The following PLSCR4 variants were observed in gnomAD, a reference collection of about 807,000 sequenced individuals.
The protein encoded by PLSCR4 is phospholipid scramblase 4.
PLSCR4 carries 25 observed loss-of-function variants against 36.3 expected under a neutral mutation model. The observed-to-expected ratio is 0.69, with a 90% CI of 0.50 to 0.96. PLSCR4 has a LOEUF of 0.96. PLSCR4 is among the 40% of genes least tolerant of loss of function. The pLI is 0.00. For missense variants in PLSCR4, 408 were observed against 414.7 expected (o/e 0.98, Z 0.14); for synonymous variants, 122 against 132.9 (o/e 0.92, Z 0.56).
chr3:146,195,332 T>G, intron 7 of PLSCR4, 50 bp from the exon 8 acceptor site: 5 of 1,386,916 alleles, frequency 3.6e-6, no homozygotes, highest in Non-Finnish European at 5.1e-6. Context: ...CATTGAAGCA[T>G]GTTTTAATGT....
At chr3:146,234,536 AC>A (rs2035839502) in intron 1 of PLSCR4, among the ~76,000 whole-genome samples, 1 of 152,108 alleles carries the variant, frequency 6.6e-6, no homozygotes, top group Non-Finnish European at 1.5e-5. Context: ...AATGGGGTAC[AC>A]CCTGTTCCCT....
rs1240158267 is a variant in PLSCR4, at chr3:146,242,050, C to T, written c.-22+8910G>A. Among the ~76,000 whole-genome samples, 8 of 152,174 alleles carry T rather than the reference C, an allele frequency of 5.3e-5. No individual in the cohort carries two copies. The South Asian group carries it at 1.4e-3, about 28-fold the overall frequency. The stretch of plus-strand genomic sequence containing the variant: ...ATGGTAGTGGAGCTTCAGCCAATCA[C>T]GGGCTGTCAACTGATCAGACCATGT... On this transcript the variant is annotated intron_variant, in intron 1 of 8. Coordinates refer to ENST00000354952, the MANE Select transcript of PLSCR4 (RefSeq NM_020353.3).
At position 146,206,493 on chromosome 3, in the gene PLSCR4, C is replaced by T. The variant is rs201733404; in HGVS notation, c.354+33G>A. ...TTGTTGGATCCCTATGGTCACATTT[C>T]ATAAGAAAATAATTTGTATTTTCAT... On this transcript the variant is annotated intron_variant, in intron 4 of 8. Transcript: ENST00000354952. 4 of 1,502,144 alleles carry T rather than the reference C, an allele frequency of 2.7e-6. No individual in the cohort carries two copies. In the East Asian group the frequency reaches 6.8e-5, roughly 25 times the overall value. 93.1% of individuals were successfully genotyped at this position (1,502,144 alleles called of 1,614,324 possible).
At chr3:146,208,072 G>T (rs2108247863) in intron 3 of PLSCR4, among the ~76,000 whole-genome samples, 1 of 152,190 alleles carries the variant, frequency 6.6e-6, no homozygotes, top group African/African-American at 2.4e-5. Context: ...AGATGGTACT[G>T]GTATAAAAAT....
In PLSCR4 at chr3:146,194,450, G is replaced by T. The variant is rs771711885; in HGVS notation, c.951C>A (p.Phe317Leu). The stretch of plus-strand genomic sequence containing the variant: ...GTGGTGGAGATCTTTCAAAATACAT[G>T]AAGTCCTGAAATTGGAAAAAGAATT... Reference protein sequence around the residue: ...MIFGACFLIDFMYFERSPPQR... With the variant: ...MIFGACFLIDLMYFERSPPQR... The change falls in exon 9 of 9, where the codon TTC becomes TTA. Residue 317 changes from phenylalanine (F) to leucine (L), a missense_variant. Transcript: ENST00000354952. 6.3e-7 allele frequency: 1 copy of T among 1,591,552 alleles called. No individual in the cohort carries two copies. Among genetic ancestry groups the T allele is most frequent in the South Asian group, 1.1e-5 (1 of 90,534 alleles).
At chr3:146,246,859 G>A (rs558750427) in intron 1 of PLSCR4, among the ~76,000 whole-genome samples, 3 of 152,032 alleles carry the variant, frequency 2.0e-5, no homozygotes, top group South Asian at 4.2e-4. Flanking sequence ...TCAAGGAGTC[G>A]GCAGTGCATA....
chr3:146,224,533 C>G (rs1306987063), intron 1 of PLSCR4, among the ~76,000 whole-genome samples: 1 of 149,134 alleles, frequency 6.7e-6, no homozygotes, highest in Non-Finnish European at 1.5e-5. Context: ...CTGGTGGGTT[C>G]GTGGTCTCGC....
intron 1 of PLSCR4, among the ~76,000 whole-genome samples, chr3:146,247,940 A>T (rs1411349273): frequency 6.6e-6 from 1 of 152,202 alleles, no homozygotes; most frequent in African/African-American, 2.4e-5. Flanking sequence ...GCAATTAAAA[A>T]CAATTTTTTT....
intron 1 of PLSCR4, among the ~76,000 whole-genome samples, chr3:146,222,873 G>A (rs375688493): frequency 7.2e-4 from 109 of 152,272 alleles, no homozygotes; most frequent in Admixed American, 1.8e-3. Flanking sequence ...CTTAGATGGG[G>A]GAGGTGACAC....
chr3:146,199,677 TCCTC>T (rs1325895472), intron 6 of PLSCR4, 132 bp downstream of exon 6: 1 of 721,386 alleles, frequency 1.4e-6, no homozygotes, highest in East Asian at 2.7e-5. Flanking sequence ...CAATTTGGTT[TCCTC>T]CCTCCCCACT....
At chr3:146,206,933 G>A (rs1485830209) in intron 3 of PLSCR4, among the ~76,000 whole-genome samples, 172 bp from the exon 4 acceptor site, 3 of 151,890 alleles carry the variant, frequency 2.0e-5, no homozygotes, top group South Asian at 2.1e-4. Context: ...GATGTATTAG[G>A]GAGACTTATT....
chr3:146,229,375 C>T (rs1228306468), intron 1 of PLSCR4, among the ~76,000 whole-genome samples: 1 of 151,856 alleles, frequency 6.6e-6, no homozygotes, highest in African/African-American at 2.4e-5. Flanking sequence ...ATCCATGAAG[C>T]CAATAATTCA....
intron 3 of PLSCR4, among the ~76,000 whole-genome samples, chr3:146,209,527 C>T (rs139384273): frequency 6.6e-6 from 1 of 152,100 alleles, no homozygotes; most frequent in East Asian, 1.9e-4. Context: ...GCAGTGGTAA[C>T]TTTGCATTTC....
chr3:146,217,995 A>G (rs1475812594), intron 3 of PLSCR4, among the ~76,000 whole-genome samples: 1 of 152,140 alleles, frequency 6.6e-6, no homozygotes, highest in Non-Finnish European at 1.5e-5. Context: ...GGGCAGGGAA[A>G]ACCAGGGGAG....
intron 3 of PLSCR4, among the ~76,000 whole-genome samples, chr3:146,215,846 G>T (rs938346979): frequency 1.2e-4 from 18 of 152,184 alleles, no homozygotes; most frequent in Admixed American, 1.2e-3. Context: ...GGAACTGTAG[G>T]TCTACAGGAC....
intron 3 of PLSCR4, among the ~76,000 whole-genome samples, chr3:146,214,472 A>C (rs2108270508): frequency 4.6e-5 from 7 of 151,904 alleles, no homozygotes. Context: ...ATTTTCCTCT[A>C]AGCACTTCTT....
At chr3:146,243,412 GAAAT>G (rs2036227661) in intron 1 of PLSCR4, among the ~76,000 whole-genome samples, 2 of 152,004 alleles carry the variant, frequency 1.3e-5, no homozygotes, top group South Asian at 4.1e-4. Context: ...TGAAAACAAA[GAAAT>G]GAACAAAAAG....
At chr3:146,223,623 G>A (rs2035279946) in intron 1 of PLSCR4, 1 of 151,936 alleles carries the variant, frequency 6.6e-6, no homozygotes, top group South Asian at 2.1e-4. Context: ...ACACTGAGCT[G>A]ACTCAATGAA....
At position 146,194,429 on chromosome 3, in the gene PLSCR4, TGGA is replaced by T. The variant is rs762922204; in HGVS notation, c.969_971del (p.Pro325del). 6 of 1,607,512 alleles carry T rather than the reference TGGA, an allele frequency of 3.7e-6. No individual in the cohort carries two copies. Among genetic ancestry groups the T allele is most frequent in the Non-Finnish European group, 5.1e-6 (6 of 1,174,300 alleles). ...TGTCTCTCTATCTTGAACGTTGTGG[TGGA>T]GATCTTTCAAAATACATGAAGTCCT... On this transcript the variant is annotated inframe_deletion, in exon 9 of 9. Transcript: ENST00000354952.
Sources: allele counts gnomAD v4.1 joint callset (sites outside exome capture counted in the v4.1 genomes callset), GRCh38; gene constraint gnomAD v4.1.1; transcripts MANE v1.5; gene names NCBI Gene and HGNC (gene_info 2026-07-23, HGNC 2026-07-21).